CAPRIN1: variants seen among roughly 807,000 people sequenced by gnomAD.
The protein encoded by CAPRIN1 is cell cycle associated protein 1.
CAPRIN1 carries 29 observed loss-of-function variants against 100.9 expected under a neutral mutation model. That is an observed-to-expected ratio of 0.29 (90% CI 0.21 to 0.39). CAPRIN1 has a LOEUF of 0.39. Among genes scored for constraint, CAPRIN1 ranks in the 10% least tolerant of loss-of-function variants. CAPRIN1 has a pLI of 1.00. For synonymous variants in CAPRIN1, 338 were observed against 307.5 expected (o/e 1.10, Z -1.04); for missense variants, 795 against 876.7 (o/e 0.91, Z 1.18).
At chr11:34,084,126 T>G (rs985285760) in intron 9 of CAPRIN1, among the ~76,000 whole-genome samples, 22 of 151,974 alleles carry the variant, frequency 1.4e-4, no homozygotes, top group African/African-American at 5.3e-4. Context: ...AGAGTCTCAC[T>G]CTTGCCCAGT....
chr11:34,060,329 G>C (rs1255304790), intron 2 of CAPRIN1, among the ~76,000 whole-genome samples: 1 of 150,648 alleles, frequency 6.6e-6, no homozygotes, highest in Admixed American at 6.7e-5. Flanking sequence ...CCTCAATACT[G>C]TTCTAAAAAT....
At chr11:34,059,205 C>T (rs770177084) in intron 2 of CAPRIN1, among the ~76,000 whole-genome samples, 3 of 151,510 alleles carry the variant, frequency 2.0e-5, no homozygotes, top group Non-Finnish European at 4.4e-5. Flanking sequence ...TGACCATGCT[C>T]AGCTAAAGTA....
intron 2 of CAPRIN1, among the ~76,000 whole-genome samples, chr11:34,064,714 A>G (rs567295732): frequency 1.3e-5 from 2 of 152,232 alleles, no homozygotes; most frequent in Admixed American, 6.5e-5. Context: ...TAACAAAAGT[A>G]CTACTTACAA....
At chr11:34,066,587 C>T (rs1198618442) in intron 2 of CAPRIN1, among the ~76,000 whole-genome samples, 1 of 151,014 alleles carries the variant, frequency 6.6e-6, no homozygotes, top group East Asian at 2.0e-4. Context: ...CTGCCTCAGC[C>T]TCCCGAAGTG....
chr11:34,079,954 C>T (rs1007767162), intron 7 of CAPRIN1, among the ~76,000 whole-genome samples, 189 bp downstream of exon 7: 13 of 125,944 alleles, frequency 1.0e-4, no homozygotes, highest in Admixed American at 2.9e-4. Flanking sequence ...GACAGAGTCT[C>T]GCTCTGTTGC....
chr11:34,090,476 G>A (rs1282816425), intron 13 of CAPRIN1, 53 bp from the exon 14 acceptor site: 2 of 1,577,888 alleles, frequency 1.3e-6, no homozygotes, highest in East Asian at 2.3e-5. Flanking sequence ...TTCACTTTTT[G>A]TTTGGCTAAG....
At chr11:34,090,917 T>C (rs573795355) in intron 14 of CAPRIN1, among the ~76,000 whole-genome samples, 23 of 152,356 alleles carry the variant, frequency 1.5e-4, no homozygotes, top group African/African-American at 5.5e-4. Flanking sequence ...TTTGTAGTTT[T>C]ACCCTTTTGA....
At position 34,090,561 on chromosome 11, in the gene CAPRIN1, A is replaced by T; in HGVS notation, c.1437A>T (p.Thr479=). The T allele has an allele frequency of 6.2e-7, 1 of 1,614,196 alleles. No homozygotes were observed. Among genetic ancestry groups the T allele is most frequent in the Non-Finnish European group, 8.5e-7 (1 of 1,180,022 alleles). Residue 479 remains threonine, a synonymous_variant, in exon 14 of 19, where the codon ACA becomes ACT. Transcript: ENST00000341394. ...TCTCTTTAAATACAGACCAGACTAC[A>T]GCATCATCATCCCTTCCTGCTGCGT... The part of the protein sequence containing the change: ...ATISLNTDQT[T]ASSSLPAASQ...
intron 7 of CAPRIN1, among the ~76,000 whole-genome samples, chr11:34,081,177 A>C (rs928958812): frequency 2.0e-5 from 3 of 151,360 alleles, no homozygotes; most frequent in Non-Finnish European, 4.4e-5. Flanking sequence ...ATGGCAAACT[A>C]TTTACTTATT....
intron 1 of CAPRIN1, 44 bp from the exon 2 acceptor site, chr11:34,052,377 T>G: frequency 6.6e-7 from 1 of 1,523,142 alleles, no homozygotes; most frequent in Non-Finnish European, 9.0e-7. Context: ...TGGCCGCTCT[T>G]GTCCTTCCTC....
At chr11:34,098,974 G>T in intron 18 of CAPRIN1, 1 of 1,154,892 alleles carries the variant, frequency 8.7e-7, no homozygotes. Context: ...TACCTTGTCT[G>T]TCTTCTCTGC....
At chr11:34,094,763 C>T (rs1217543399) in intron 15 of CAPRIN1, among the ~76,000 whole-genome samples, 1 of 152,238 alleles carries the variant, frequency 6.6e-6, no homozygotes, top group African/African-American at 2.4e-5. Context: ...TTTGACTGAA[C>T]TCCAACCTCA....
At chr11:34,094,653 A>G (rs1269142975) in intron 15 of CAPRIN1, among the ~76,000 whole-genome samples, 1 of 152,024 alleles carries the variant, frequency 6.6e-6, no homozygotes, top group African/African-American at 2.4e-5. Context: ...AGAAATTAGC[A>G]GGGTGAGGTG....
chr11:34,094,050 G>A lies in CAPRIN1; in HGVS notation c.1705+1994G>A, dbSNP rs186323056. 6.4e-3 allele frequency among the ~76,000 whole-genome samples: 973 copies of A among 152,258 alleles called. 30 individuals are homozygous for A. The highest frequency in any genetic ancestry group is 5.1e-3 in the Non-Finnish European group (347 of 68,012). ...GTATTTATGGTATACAGCATGATGT[G>A]TTGAAATGTGTGTCCGTTGTGGGCG... On this transcript the variant is annotated intron_variant, in intron 15 of 18. Coordinates refer to ENST00000341394, the MANE Select transcript of CAPRIN1 (RefSeq NM_005898.5).
At position 34,096,477 on chromosome 11, in the gene CAPRIN1, AGTG is replaced by A. The variant is rs1185326154; in HGVS notation, c.1707_1709del (p.Val570del). 1.2e-6 allele frequency: 2 copies of A among 1,610,494 alleles called. No individual in the cohort carries two copies. Among genetic ancestry groups the A allele is most frequent in the Non-Finnish European group, 1.7e-6 (2 of 1,177,704 alleles). On this transcript the variant is annotated splice_acceptor_variant and coding_sequence_variant, in exon 16 of 19. Transcript: ENST00000341394. LOFTEE classifies it high-confidence loss of function. ...TATATCTTTTTCTTTTTTAAATTAT[AGTG>A]GTTGGCACTTACCATGGTTCCCCAG... is the stretch of plus-strand genomic sequence containing the variant.
intron 2 of CAPRIN1, among the ~76,000 whole-genome samples, chr11:34,068,550 G>C (rs1317796825): frequency 1.3e-5 from 2 of 152,142 alleles, no homozygotes; most frequent in East Asian, 3.9e-4. Context: ...TTCTACTCTA[G>C]GATAGCTTGT....
At chr11:34,066,458 C>T (rs926281104) in intron 2 of CAPRIN1, among the ~76,000 whole-genome samples, 7 of 151,836 alleles carry the variant, frequency 4.6e-5, no homozygotes, top group East Asian at 1.9e-4. Context: ...CTCAGCTTCC[C>T]GAGTAGCTGG....
At chr11:34,096,300 A>C in intron 15 of CAPRIN1, 179 bp from the exon 16 acceptor site, 1 of 510,340 alleles carries the variant, frequency 2.0e-6, no homozygotes, top group African/African-American at 2.0e-5. Context: ...AGCTGAGTCT[A>C]AGGGTAGGAG....
At chr11:34,064,770 C>G (rs1850653007) in intron 2 of CAPRIN1, among the ~76,000 whole-genome samples, 1 of 152,092 alleles carries the variant, frequency 6.6e-6, no homozygotes, top group African/African-American at 2.4e-5. Context: ...CTCTCCTTCT[C>G]AAAGGTGGTA....
Sources: gnomAD v4.1 joint callset for allele counts (sites outside exome capture counted in the v4.1 genomes callset) on GRCh38, gnomAD v4.1.1 for gene constraint, MANE v1.5 for transcripts, NCBI Gene and HGNC (gene_info 2026-07-23, HGNC 2026-07-21) for gene names.